The following RBPJ variants were observed in gnomAD, a reference collection of about 807,000 sequenced individuals.
The protein encoded by RBPJ is recombination signal binding protein for immunoglobulin kappa J region.
RBPJ carries 9 observed loss-of-function variants against 67.8 expected under a neutral mutation model. That is an observed-to-expected ratio of 0.13 (90% CI 0.08 to 0.23). The LOEUF is 0.23. Ranked by LOEUF, RBPJ falls within the 10% of genes least tolerant of loss-of-function variation. The pLI is 1.00. For missense variants in RBPJ, 305 were observed against 595.6 expected, an observed-to-expected ratio of 0.51 and a Z score of 5.08; for synonymous variants, 198 against 203.3, an observed-to-expected ratio of 0.97 and a Z score of 0.22.
At chr4:26,425,918 C>A (rs1735609274) in intron 7 of RBPJ, among the ~76,000 whole-genome samples, 1 of 150,822 alleles carries the variant, frequency 6.6e-6, no homozygotes, top group Non-Finnish European at 1.5e-5. Flanking sequence ...CTGGTTTGAT[C>A]TACAGTTTTC....
chr4:26,296,267 C>A (rs1428874564), intron 1 of RBPJ, among the ~76,000 whole-genome samples: 1 of 152,202 alleles, frequency 6.6e-6, no homozygotes, highest in Non-Finnish European at 1.5e-5. Context: ...TTAGTCACAT[C>A]CCTACCTACC....
upstream of RBPJ, among the ~76,000 whole-genome samples, chr4:26,162,558 G>C (rs1457347578): frequency 1.3e-5 from 2 of 152,220 alleles, no homozygotes; most frequent in Non-Finnish European, 2.9e-5. Flanking sequence ...CACTTCACAT[G>C]TATTGATCTA....
chr4:26,250,674 A>G (rs1260951202), intron 1 of RBPJ, among the ~76,000 whole-genome samples: 1 of 152,098 alleles, frequency 6.6e-6, no homozygotes, highest in African/African-American at 2.4e-5. Context: ...TGTATATACT[A>G]CATTTGGTTT....
intron 1 of RBPJ, among the ~76,000 whole-genome samples, chr4:26,244,124 T>G (rs1719742034): frequency 6.8e-6 from 1 of 146,174 alleles, no homozygotes; most frequent in African/African-American, 2.5e-5. Context: ...AAAAGAAACT[T>G]TAAAATGTAT....
Position 26,415,565 on chromosome 4 carries a change from A to G in RBPJ, c.246A>G (p.Gln82=). 6.2e-7 allele frequency: 1 copy of G among 1,613,362 alleles called. No individual in the cohort carries two copies. Among genetic ancestry groups the G allele is most frequent in the Non-Finnish European group, 8.5e-7 (1 of 1,179,516 alleles). ...TGGAACGCGATGGTTGTTCTGAACA[A>G]GAGTCTCAACCGTGTGCATTTATTG... ...EQMERDGCSE[Q]ESQPCAFIGI... The change falls in exon 4 of 11, where the codon CAA becomes CAG. Residue 82 remains glutamine (Q), a synonymous_variant. Coordinates refer to ENST00000355476, the MANE Select transcript of RBPJ (RefSeq NM_015874.6).
intron 1 of RBPJ, among the ~76,000 whole-genome samples, chr4:26,329,291 C>A (rs1560269542): frequency 6.6e-6 from 1 of 152,016 alleles, no homozygotes; most frequent in Admixed American, 6.6e-5. Flanking sequence ...CCGTTCCTGG[C>A]GGCATTGAGG....
At chr4:26,325,474 C>G (rs993170093) in intron 1 of RBPJ, among the ~76,000 whole-genome samples, 3 of 152,174 alleles carry the variant, frequency 2.0e-5, no homozygotes, top group Non-Finnish European at 2.9e-5. Flanking sequence ...GGTTCCAATT[C>G]TGTCTCTGGC....
chr4:26,291,580 CTT>C (rs1264126269), intron 1 of RBPJ, among the ~76,000 whole-genome samples: 5 of 141,872 alleles, frequency 3.5e-5, no homozygotes, highest in Non-Finnish European at 3.1e-5. Context: ...GTATGAATGA[CTT>C]TTTTTTTTTT....
At chr4:26,411,733 C>G (rs939805513) in intron 3 of RBPJ, among the ~76,000 whole-genome samples, 19 of 152,196 alleles carry the variant, frequency 1.2e-4, no homozygotes, top group East Asian at 5.8e-4. Context: ...CATTTTGTCA[C>G]AGTACTTTTG....
chr4:26,320,789 G>T, upstream of RBPJ: 1 of 1,555,580 alleles, frequency 6.4e-7, no homozygotes. Flanking sequence ...CCGCGGAGGA[G>T]CCGCCTGCGC....
chr4:26,156,341 T>G, the RBPJ span, among the ~76,000 whole-genome samples: 2 of 152,098 alleles, frequency 1.3e-5, no homozygotes, highest in Non-Finnish European at 2.9e-5. Flanking sequence ...CTTGTTTGTT[T>G]GTTTGTTTTT....
chr4:26,244,703 C>G (rs185015021), intron 1 of RBPJ, among the ~76,000 whole-genome samples: 133 of 152,174 alleles, frequency 8.7e-4, no homozygotes, highest in African/African-American at 2.9e-3. Context: ...TCTCAGCTTG[C>G]TGCAACCTCT....
intron 1 of RBPJ, among the ~76,000 whole-genome samples, chr4:26,292,924 T>G (rs1261076422): frequency 6.6e-6 from 1 of 150,710 alleles, no homozygotes; most frequent in Admixed American, 6.6e-5. Context: ...CCAATGAACA[T>G]GGGCATGCAG....
intron 1 of RBPJ, among the ~76,000 whole-genome samples, chr4:26,329,850 C>T (rs7695029): frequency 0.66 from 99,177 of 150,494 alleles, 32,900 homozygotes; most frequent in African/African-American, 0.73. Context: ...GCCGAGATCA[C>T]GCCACTGCAC....
rs537445900 is a variant in RBPJ, at chr4:26,345,377, T to A, written c.20+24329T>A. Among the ~76,000 whole-genome samples the A allele has an allele frequency of 5.9e-5, 9 of 152,376 alleles. No individual in the cohort carries two copies. In the South Asian group the frequency reaches 1.9e-3, roughly 32 times the overall value. On this transcript the variant is annotated intron_variant, in intron 1 of 10. Transcript: ENST00000355476. The stretch of plus-strand genomic sequence containing the variant: ...GGATTTCCCAGTTGTCATAGATAGC[T>A]GTAGTCACTAGGGAAGTAGAAATAT...
chr4:26,286,472 C>CAAAAA (rs57556548), intron 1 of RBPJ, among the ~76,000 whole-genome samples: 96 of 99,382 alleles, frequency 9.7e-4, no homozygotes, highest in African/African-American at 2.0e-3. Flanking sequence ...GACCCTGCCT[C>CAAAAA]AAAAAAAAAA....
intron 1 of RBPJ, among the ~76,000 whole-genome samples, chr4:26,169,925 G>C (rs1391888535): frequency 1.6e-4 from 24 of 152,194 alleles, no homozygotes; most frequent in Admixed American, 1.5e-3. Context: ...AAGCCCGTCA[G>C]AAAAGCGCAG....
chr4:26,416,528 C>T (rs1327675363), intron 4 of RBPJ, among the ~76,000 whole-genome samples: 1 of 152,150 alleles, frequency 6.6e-6, no homozygotes, highest in Non-Finnish European at 1.5e-5. Flanking sequence ...CCGTGTCCAG[C>T]CAATCTATAC....
intron 1 of RBPJ, among the ~76,000 whole-genome samples, chr4:26,178,239 A>T (rs1716863040): frequency 1.3e-5 from 2 of 152,200 alleles, no homozygotes; most frequent in African/African-American, 4.8e-5. Flanking sequence ...GGTGTCTTCC[A>T]GAGGCCCCAG....
Sources: gnomAD v4.1 joint callset for allele counts (sites outside exome capture counted in the v4.1 genomes callset) on GRCh38, gnomAD v4.1.1 for gene constraint, MANE v1.5 for transcripts, NCBI Gene and HGNC (gene_info 2026-07-23, HGNC 2026-07-21) for gene names.